FAAH2: variants seen among roughly 807,000 people sequenced by gnomAD.
FAAH2 encodes fatty-acid amide hydrolase 2.
Under a neutral mutation model 36.9 loss-of-function variants are expected in FAAH2, and 60 were observed. The observed-to-expected ratio is 1.63, with a 90% CI of 1.32 to 2.02. The LOEUF is 2.02. FAAH2 is among the 30% of genes most tolerant of loss of function. The probability of loss-of-function intolerance (pLI) is 0.00; values close to 1 mark genes in which losing one functional copy is unlikely to be tolerated. For missense variants in FAAH2, 689 were observed against 397.5 expected, an observed-to-expected ratio of 1.73 and a Z score of -6.23; for synonymous variants, 214 against 143.8, an observed-to-expected ratio of 1.49 and a Z score of -3.49.
chrX:57,387,192 G>T (rs963233936), intron 7 of FAAH2, among the ~76,000 whole-genome samples: 12 of 111,196 alleles, frequency 1.1e-4, no homozygotes, highest in African/African-American at 3.9e-4. Context: ...ATGAAATCCA[G>T]GGCAATCTCT....
At chrX:57,443,971 G>A (rs773958325) in intron 8 of FAAH2, among the ~76,000 whole-genome samples, 70 of 111,841 alleles carry the variant, frequency 6.3e-4, no homozygotes, top group African/African-American at 2.2e-3. Context: ...CCTTCCTCTG[G>A]AAGCTTCATC....
intron 6 of FAAH2, 50 bp downstream of exon 6, chrX:57,378,836 C>T (rs1392645567): frequency 1.0e-5 from 12 of 1,155,548 alleles, no homozygotes; most frequent in South Asian, 3.8e-5. Context: ...GACATTCATT[C>T]TCTCTTTGTT....
intron 5 of FAAH2, among the ~76,000 whole-genome samples, chrX:57,349,420 T>G (rs1183356905): frequency 2.0e-5 from 2 of 98,756 alleles, no homozygotes; most frequent in African/African-American, 7.3e-5. Flanking sequence ...TATACACATA[T>G]ATACATATAT....
chrX:57,457,007 T>A (rs960353604), intron 10 of FAAH2, among the ~76,000 whole-genome samples: 5 of 111,220 alleles, frequency 4.5e-5, no homozygotes, highest in African/African-American at 6.6e-5. Flanking sequence ...TAAAAAAAAA[T>A]TCAAGTCAAT....
chrX:57,273,743 C>A, the FAAH2 span, among the ~76,000 whole-genome samples: 1 of 111,813 alleles, frequency 8.9e-6, no homozygotes, highest in African/African-American at 3.3e-5. Flanking sequence ...ACCAGAATCT[C>A]TGGACACATT....
chrX:57,211,581 A>C, the FAAH2 span, among the ~76,000 whole-genome samples: 1 of 111,873 alleles, frequency 8.9e-6, no homozygotes. Flanking sequence ...AACCATGGTT[A>C]ATTTTCATCT....
At chrX:57,255,103 G>C in the FAAH2 span, among the ~76,000 whole-genome samples, 1 of 111,335 alleles carries the variant, frequency 9.0e-6, no homozygotes, top group Non-Finnish European at 1.9e-5. Flanking sequence ...TATCACCACC[G>C]ATCCCACAGA....
At chrX:57,249,227 C>G in the FAAH2 span, among the ~76,000 whole-genome samples, 8,724 of 111,413 alleles carry the variant, frequency 0.078, 859 homozygotes, top group African/African-American at 0.27. Context: ...CCAGAACAGT[C>G]AGTTTCCACT....
chrX:57,255,089 G>A, the FAAH2 span, among the ~76,000 whole-genome samples: 1 of 111,009 alleles, frequency 9.0e-6, no homozygotes, highest in Non-Finnish European at 1.9e-5. Flanking sequence ...AAATGATAAA[G>A]GGCTATCACC....
chrX:57,238,175 C>A, the FAAH2 span, among the ~76,000 whole-genome samples: 2 of 111,836 alleles, frequency 1.8e-5, no homozygotes, highest in East Asian at 5.6e-4. Context: ...ATAAATTTTT[C>A]TGCCATAAAA....
intron 8 of FAAH2, among the ~76,000 whole-genome samples, chrX:57,440,187 T>G (rs1201858378): frequency 1.8e-5 from 2 of 111,552 alleles, no homozygotes; most frequent in Non-Finnish European, 3.8e-5. Context: ...TAAATTACCT[T>G]GGGCAGTATG....
intron 7 of FAAH2, among the ~76,000 whole-genome samples, chrX:57,422,778 A>G (rs1255764330): frequency 8.9e-6 from 1 of 112,018 alleles, no homozygotes. Flanking sequence ...GGAAATGATT[A>G]TGGATTAGAG....
chrX:57,421,438 G>C (rs745619420), intron 7 of FAAH2, among the ~76,000 whole-genome samples: 1 of 111,876 alleles, frequency 8.9e-6, no homozygotes, highest in Non-Finnish European at 1.9e-5. Flanking sequence ...TTAAGCAACA[G>C]AAATTTATTT....
rs146151701 is a variant in FAAH2, at chrX:57,380,088, C to T, written c.879-824C>T. On this transcript the variant is annotated intron_variant, in intron 6 of 10. Coordinates refer to ENST00000374900, the MANE Select transcript of FAAH2 (RefSeq NM_174912.4). ...ATGGAAAATGGGGTAGGTATCCATC[C>T]CCTTAAGCATTTATCCTTTATGTTA... 2.7e-4 allele frequency among the ~76,000 whole-genome samples: 30 copies of T among 110,884 alleles called. 1 individual carries two copies. In the East Asian group the frequency reaches 8.5e-3, roughly 32 times the overall value.
At chrX:57,477,720 A>T (rs751120571) in intron 10 of FAAH2, among the ~76,000 whole-genome samples, 2 of 102,866 alleles carry the variant, frequency 1.9e-5, no homozygotes, top group African/African-American at 3.6e-5. Context: ...ATTCCCACCT[A>T]TGAGTGAGAA....
chrX:57,300,366 C>A (rs1226275249), intron 2 of FAAH2, among the ~76,000 whole-genome samples: 2 of 111,988 alleles, frequency 1.8e-5, no homozygotes, highest in Non-Finnish European at 3.8e-5. Flanking sequence ...AAAGGATTCC[C>A]TATTTAATAA....
intron 10 of FAAH2, among the ~76,000 whole-genome samples, chrX:57,466,156 C>CTCTCTCTATATATATATATA (rs1287266105): frequency 6.0e-5 from 4 of 66,413 alleles, no homozygotes; most frequent in African/African-American, 1.2e-4. Flanking sequence ...CTCTCTCTCT[C>CTCTCTCTATATATATATATA]TATATATATA....
the FAAH2 span, among the ~76,000 whole-genome samples, chrX:57,179,717 C>G: frequency 1.1e-4 from 12 of 111,225 alleles, no homozygotes; most frequent in African/African-American, 3.9e-4. Flanking sequence ...CATCAAGGCC[C>G]AGAATTAACA....
At chrX:57,191,945 G>A in the FAAH2 span, among the ~76,000 whole-genome samples, 3 of 111,416 alleles carry the variant, frequency 2.7e-5, no homozygotes, top group African/African-American at 6.5e-5. Context: ...GCTTAGGATA[G>A]GCTATTCTTG....
Sources: allele counts gnomAD v4.1 joint callset (sites outside exome capture counted in the v4.1 genomes callset), GRCh38; gene constraint gnomAD v4.1.1; transcripts MANE v1.5; gene names NCBI Gene and HGNC (gene_info 2026-07-23, HGNC 2026-07-21).